SDHC: variants seen among roughly 807,000 people sequenced by gnomAD.
The protein encoded by SDHC is succinate dehydrogenase complex subunit C.
In SDHC, 11 loss-of-function variants were observed where a neutral mutation model predicts 22.6. That is an observed-to-expected ratio of 0.49 (90% CI 0.31 to 0.81). The LOEUF (loss-of-function observed/expected upper bound fraction) is 0.81. Ranked by LOEUF, SDHC falls within the 30% of genes least tolerant of loss-of-function variation. SDHC has a pLI of 0.05. For synonymous variants in SDHC, 80 were observed against 77.8 expected, an observed-to-expected ratio of 1.03 and a Z score of -0.15; for missense variants, 160 against 212.0, an observed-to-expected ratio of 0.75 and a Z score of 1.52.
intron 3 of SDHC, among the ~76,000 whole-genome samples, chr1:161,335,016 A>G (rs1314762326): frequency 6.6e-6 from 1 of 152,200 alleles, no homozygotes; most frequent in Non-Finnish European, 1.5e-5. Flanking sequence ...GATTGAACCT[A>G]GAATTATATA....
At chr1:161,339,535 A>T in intron 3 of SDHC, 1 of 1,232,506 alleles carries the variant, frequency 8.1e-7, no homozygotes, top group Non-Finnish European at 1.1e-6. Context: ...AGGAGTTTTG[A>T]GTTATAATCA....
At chr1:161,340,465 C>CTT in intron 3 of SDHC, 129 bp from the exon 4 acceptor site, 1 of 771,896 alleles carries the variant, frequency 1.3e-6, no homozygotes, top group Non-Finnish European at 2.2e-6. Flanking sequence ...GAGCGAGACT[C>CTT]TGTCTCAAAA....
At chr1:161,339,228 G>C (rs2102331656) in intron 3 of SDHC, among the ~76,000 whole-genome samples, 1 of 152,076 alleles carries the variant, frequency 6.6e-6, no homozygotes. Context: ...CCCAACCCGG[G>C]CTGGAGTACA....
intron 3 of SDHC, among the ~76,000 whole-genome samples, chr1:161,329,433 G>A (rs1671192035): frequency 6.6e-6 from 1 of 152,110 alleles, no homozygotes; most frequent in African/African-American, 2.4e-5. Flanking sequence ...CTGAGTTCAA[G>A]TGATTCTTGT....
intron 3 of SDHC, among the ~76,000 whole-genome samples, chr1:161,340,293 G>T (rs1437293809): frequency 2.0e-5 from 3 of 146,842 alleles, no homozygotes; most frequent in African/African-American, 7.8e-5. Context: ...TGTTCCGGGG[G>T]GGTAAAAAAA....
chr1:161,334,869 ACTT>A (rs1276824383), intron 3 of SDHC, among the ~76,000 whole-genome samples: 7 of 152,166 alleles, frequency 4.6e-5, no homozygotes, highest in Admixed American at 1.3e-4. Flanking sequence ...GCCTACTACA[ACTT>A]CTTAATACTT....
At chr1:161,335,559 G>A (rs1273877947) in intron 3 of SDHC, among the ~76,000 whole-genome samples, 1 of 152,080 alleles carries the variant, frequency 6.6e-6, no homozygotes, top group African/African-American at 2.4e-5. Flanking sequence ...GGATAATATG[G>A]ATCAAGCATT....
At chr1:161,320,188 G>A (rs1428023936) in intron 1 of SDHC, among the ~76,000 whole-genome samples, 2 of 152,110 alleles carry the variant, frequency 1.3e-5, no homozygotes, top group Non-Finnish European at 2.9e-5. Context: ...AATTTTCCTA[G>A]CTGTTAATGA....
intron 2 of SDHC, among the ~76,000 whole-genome samples, chr1:161,325,810 A>G (rs959727164): frequency 7.9e-5 from 12 of 152,216 alleles, no homozygotes; most frequent in African/African-American, 1.9e-4. Flanking sequence ...GAAAAGCATA[A>G]TCTATTTATG....
intron 1 of SDHC, among the ~76,000 whole-genome samples, chr1:161,317,819 C>G (rs1458675939): frequency 1.3e-5 from 2 of 151,242 alleles, no homozygotes; most frequent in Non-Finnish European, 3.0e-5. Context: ...AGCCAGGCAT[C>G]AGCCACCGAG....
chr1:161,358,058 A>G (rs1672350904), intron 5 of SDHC, among the ~76,000 whole-genome samples: 1 of 128,134 alleles, frequency 7.8e-6, no homozygotes, highest in Admixed American at 8.5e-5. Flanking sequence ...TTTTTTTGAG[A>G]CAGAGTCTTG....
At chr1:161,328,736 A>T (rs186182732) in intron 3 of SDHC, among the ~76,000 whole-genome samples, 4 of 152,340 alleles carry the variant, frequency 2.6e-5, no homozygotes, top group Non-Finnish European at 5.9e-5. Context: ...CAAAACTACC[A>T]TTTAGAAAAT....
chr1:161,355,033 G>T (rs1323805314), intron 4 of SDHC, among the ~76,000 whole-genome samples: 1 of 152,006 alleles, frequency 6.6e-6, no homozygotes, highest in African/African-American at 2.4e-5. Context: ...TTTCTAATTT[G>T]AGTTTCATAT....
chr1:161,343,720 G>A (rs1671797937), intron 4 of SDHC, among the ~76,000 whole-genome samples: 1 of 152,130 alleles, frequency 6.6e-6, no homozygotes, highest in South Asian at 2.1e-4. Context: ...TCAGTTTGGT[G>A]ATATTGATGA....
At chr1:161,358,342 AG>A (rs1672363134) in intron 5 of SDHC, among the ~76,000 whole-genome samples, 2 of 150,788 alleles carry the variant, frequency 1.3e-5, no homozygotes, top group Non-Finnish European at 2.9e-5. Context: ...CATGTTGGCC[AG>A]CCTGGTCTTG....
At chr1:161,322,310 A>G (rs899326166) in intron 1 of SDHC, among the ~76,000 whole-genome samples, 2 of 152,216 alleles carry the variant, frequency 1.3e-5, no homozygotes, top group African/African-American at 4.8e-5. Flanking sequence ...TTGACTTGAA[A>G]AGCAATTCTG....
At chr1:161,338,546 A>C (rs1466342602) in intron 3 of SDHC, among the ~76,000 whole-genome samples, 3 of 152,230 alleles carry the variant, frequency 2.0e-5, no homozygotes, top group African/African-American at 7.2e-5. Flanking sequence ...GTTGTCCTTC[A>C]ATGGAAAGTT....
chr1:161,341,328 C>T (rs1017811818), intron 4 of SDHC, among the ~76,000 whole-genome samples: 1 of 152,214 alleles, frequency 6.6e-6, no homozygotes, highest in African/African-American at 2.4e-5. Flanking sequence ...TAGACATGCT[C>T]AGTCCCCCAA....
At position 161,340,574 on chromosome 1, in the gene SDHC, C is replaced by T. The variant is rs2102335935; in HGVS notation, c.180-20C>T. On this transcript the variant is annotated intron_variant, in intron 3 of 5. Coordinates refer to ENST00000367975, the MANE Select transcript of SDHC (RefSeq NM_003001.5). ...GTCATCTTTTCCTTTTTAAAATTGT[C>T]TTTGTGTGTTTCTTTACAGTTGGTC... 1 of 1,609,386 alleles carries T rather than the reference C, an allele frequency of 6.2e-7. No individual in the cohort carries two copies. Among genetic ancestry groups the T allele is most frequent in the Non-Finnish European group, 8.5e-7 (1 of 1,176,180 alleles).
Sources: allele counts gnomAD v4.1 joint callset (sites outside exome capture counted in the v4.1 genomes callset), GRCh38; gene constraint gnomAD v4.1.1; transcripts MANE v1.5; gene names NCBI Gene and HGNC (gene_info 2026-07-23, HGNC 2026-07-21).